Variants in GPATCH2 observed in about 807,000 individuals in gnomAD.
GPATCH2 encodes G patch domain-containing protein 2.
A neutral mutation model predicts 58.0 loss-of-function variants in GPATCH2; 51 were observed. The observed-to-expected ratio is 0.88, with a 90% confidence interval of 0.70 to 1.11. The LOEUF is 1.11. GPATCH2 is among the 50% of genes most tolerant of loss of function. The pLI is 0.00. For synonymous variants in GPATCH2, 222 were observed against 218.5 expected (o/e 1.02, Z -0.14); for missense variants, 625 against 652.2 (o/e 0.96, Z 0.45).
rs1383087974 is a variant in GPATCH2 at position 217,427,482 on chromosome 1, T to TA, written c.*3662dup. The TA allele has an allele frequency of 6.6e-6, 1 of 152,090 alleles. No individual in the cohort carries two copies. Among genetic ancestry groups the TA allele is most frequent in the Non-Finnish European group, 1.5e-5 (1 of 67,996 alleles). 9.4% of individuals were successfully genotyped at this position (152,090 alleles called of 1,614,324 possible). On this transcript the variant is annotated 3_prime_UTR_variant, in exon 10 of 10. Transcript: ENST00000366935. ...CAACTTTTAAAAAATAACTCTAAGG[T>TA]AAAAGGGAAACATTTAAAGCACAAA... is the stretch of plus-strand genomic sequence containing the variant.
At chr1:217,533,123 G>T (rs1417585377) in intron 5 of GPATCH2, among the ~76,000 whole-genome samples, 1 of 151,150 alleles carries the variant, frequency 6.6e-6, no homozygotes, top group Non-Finnish European at 1.5e-5. Context: ...TGCCCAGGCT[G>T]GTCTTGAACT....
rs1370007241 is a variant in GPATCH2 at position 217,523,196 on chromosome 1, GA to G, written c.1099-8308del. On this transcript the variant is annotated intron_variant, in intron 5 of 9. Transcript: ENST00000366935. ...TTTTATTTTATTTTATTTTTTTATT[GA>G]TCATTCTTGGGTGTTTCTCCCAGAG... Among the ~76,000 whole-genome samples, 8 of 151,400 alleles carry G rather than the reference GA, an allele frequency of 5.3e-5. No individual in the cohort carries two copies. In the East Asian group the frequency reaches 1.2e-3, roughly 22 times the overall value.
intron 5 of GPATCH2, chr1:217,609,597 C>T (rs1668530923): frequency 1.0e-6 from 1 of 984,062 alleles, no homozygotes; most frequent in Non-Finnish European, 1.2e-6. Flanking sequence ...AATACAAACT[C>T]CAGCAAAGAT....
At chr1:217,610,726 G>C (rs576664940) in intron 4 of GPATCH2, among the ~76,000 whole-genome samples, 163 bp downstream of exon 4, 14 of 152,228 alleles carry the variant, frequency 9.2e-5, no homozygotes, top group African/African-American at 3.4e-4. Context: ...CTAATAATTT[G>C]AAAGCATGAT....
At chr1:217,463,867 C>T (rs1224021680) in intron 8 of GPATCH2, among the ~76,000 whole-genome samples, 1 of 151,988 alleles carries the variant, frequency 6.6e-6, no homozygotes, top group African/African-American at 2.4e-5. Context: ...AAGACAGAAT[C>T]CAGGTTTTTC....
intron 5 of GPATCH2, 75 bp from the exon 6 acceptor site, chr1:217,514,964 C>A: frequency 1.4e-6 from 1 of 726,060 alleles, no homozygotes; most frequent in South Asian, 1.5e-5. Flanking sequence ...AGTGATATAT[C>A]AATTTGAAGA....
chr1:217,538,903 T>C (rs1016829082), intron 5 of GPATCH2, among the ~76,000 whole-genome samples: 1 of 152,218 alleles, frequency 6.6e-6, no homozygotes, highest in Non-Finnish European at 1.5e-5. Context: ...TTCATGCTGA[T>C]GCCTTGTGCT....
intron 3 of GPATCH2, 111 bp from the exon 4 acceptor site, chr1:217,611,182 T>G: frequency 3.2e-6 from 3 of 940,732 alleles, no homozygotes; most frequent in East Asian, 2.5e-5. Flanking sequence ...AATTTGAATT[T>G]GAGATCAATG....
At chr1:217,455,247 G>A (rs546769505) in intron 8 of GPATCH2, among the ~76,000 whole-genome samples, 108 of 152,198 alleles carry the variant, frequency 7.1e-4, no homozygotes, top group African/African-American at 2.6e-3. Context: ...TTCAGAACTC[G>A]GTAATTGCCT....
chr1:217,543,420 C>T (rs1405328420), intron 5 of GPATCH2, among the ~76,000 whole-genome samples: 2 of 152,004 alleles, frequency 1.3e-5, no homozygotes, highest in African/African-American at 4.8e-5. Context: ...CAGGCGCCCA[C>T]CACCTCGCCC....
rs1658509640 is a variant in GPATCH2, at chr1:217,431,052, A to G, written c.*93T>C. ...TAGAGTGATGTGTTTGAGGCAATGT[A>G]GATTTTTGCTTCAAAAACAGAAGTC... is the stretch of plus-strand genomic sequence containing the variant. On this transcript the variant is annotated 3_prime_UTR_variant, in exon 10 of 10. Transcript: ENST00000366935. The G allele has an allele frequency of 2.1e-5, 16 of 754,290 alleles. No individual in the cohort carries two copies. The East Asian group carries it at 3.9e-4, about 18-fold the overall frequency. 46.7% of individuals were successfully genotyped at this position (754,290 alleles called of 1,614,324 possible).
At chr1:217,609,088 TTG>T in intron 5 of GPATCH2, 1 of 801,378 alleles carries the variant, frequency 1.2e-6, no homozygotes, top group Non-Finnish European at 1.5e-6. Context: ...TTAAATCACA[TTG>T]TTTTTCATTA....
intron 5 of GPATCH2, among the ~76,000 whole-genome samples, chr1:217,532,880 T>C (rs1664262689): frequency 1.3e-5 from 1 of 79,110 alleles, no homozygotes; most frequent in African/African-American, 4.4e-5. Flanking sequence ...TCTTTATCTT[T>C]TTTTTGTTTT....
intron 1 of GPATCH2, among the ~76,000 whole-genome samples, chr1:217,621,996 T>G (rs1669212953): frequency 6.6e-6 from 1 of 152,196 alleles, no homozygotes; most frequent in Non-Finnish European, 1.5e-5. Context: ...TGCGTCTAAG[T>G]AGTGGAGACA....
At chr1:217,445,625 C>G (rs265127) in intron 9 of GPATCH2, among the ~76,000 whole-genome samples, 37,557 of 151,836 alleles carry the variant, frequency 0.25, 6,352 homozygotes, top group African/African-American at 0.49. Context: ...CTTTGAATGA[C>G]GCAGAGAACA....
At chr1:217,559,401 C>T (rs11811906) in intron 5 of GPATCH2, among the ~76,000 whole-genome samples, 1,573 of 152,142 alleles carry the variant, frequency 0.01, 25 homozygotes, top group African/African-American at 0.035. Context: ...GAGCCTTCAA[C>T]GGCCCCTCCA....
At chr1:217,552,141 T>C (rs1276912275) in intron 5 of GPATCH2, among the ~76,000 whole-genome samples, 1 of 152,086 alleles carries the variant, frequency 6.6e-6, no homozygotes. Context: ...ACCTGATGTA[T>C]ATGAATAAAA....
At chr1:217,432,595 G>A (rs1658594802) in intron 9 of GPATCH2, among the ~76,000 whole-genome samples, 3 of 152,094 alleles carry the variant, frequency 2.0e-5, no homozygotes, top group South Asian at 4.1e-4. Context: ...CTAGCAGCAG[G>A]TATTAGATTA....
In GPATCH2 at chr1:217,630,979, A is replaced by G. The variant is rs1277663582; in HGVS notation, c.-8T>C. 2.5e-6 allele frequency: 4 copies of G among 1,586,194 alleles called. No individual in the cohort carries two copies. In the East Asian group the frequency reaches 9.1e-5, roughly 36 times the overall value. ...CCCGGCGGCCCCGAACATTAACGAC[A>G]CCCGGGAGCCTGGCCTCGAAGCTCA... On this transcript the variant is annotated 5_prime_UTR_variant, in exon 1 of 10. Coordinates refer to ENST00000366935, the MANE Select transcript of GPATCH2 (RefSeq NM_018040.5).
Sources: gnomAD v4.1 joint callset for allele counts (sites outside exome capture counted in the v4.1 genomes callset) on GRCh38, gnomAD v4.1.1 for gene constraint, MANE v1.5 for transcripts, NCBI Gene and HGNC (gene_info 2026-07-23, HGNC 2026-07-21) for gene names.